The following LRRC37A2 variants were observed in gnomAD, a reference collection of about 807,000 sequenced individuals.
The protein encoded by LRRC37A2 is leucine rich repeat containing 37 member A2.
LRRC37A2 carries 9 observed loss-of-function variants against 68.8 expected under a neutral mutation model. The observed-to-expected ratio is 0.13, with a 90% CI of 0.08 to 0.23. The LOEUF is 0.23. Ranked by LOEUF, LRRC37A2 falls within the 10% of genes least tolerant of loss-of-function variation. The pLI is 1.00. For missense variants in LRRC37A2, 168 were observed against 950.4 expected (o/e 0.18, Z 10.82); for synonymous variants, 63 against 367.6 (o/e 0.17, Z 9.48).
chr17:46,923,821 C>T, the LRRC37A2 span: 2 of 399,974 alleles, frequency 5.0e-6, no homozygotes, highest in Non-Finnish European at 4.4e-6. Flanking sequence ...TGGTAGTGTC[C>T]TTTATTCGCA....
the LRRC37A2 span, chr17:46,949,122 C>T: frequency 1.3e-5 from 2 of 152,206 alleles, no homozygotes; most frequent in Non-Finnish European, 2.9e-5. Flanking sequence ...GGGGACCAGG[C>T]GTGGCTGGGA....
the LRRC37A2 span, among the ~76,000 whole-genome samples, chr17:46,844,362 A>G: frequency 6.7e-6 from 1 of 148,382 alleles, no homozygotes; most frequent in African/African-American, 2.5e-5. Flanking sequence ...TCCCAGAGAT[A>G]AACCAAGGTT....
the LRRC37A2 span, among the ~76,000 whole-genome samples, chr17:46,965,836 G>A: frequency 1.6e-3 from 217 of 136,840 alleles, 1 homozygote; most frequent in Middle Eastern, 7.7e-3. Flanking sequence ...TCATTATGTT[G>A]CCCAGGTTGG....
upstream of LRRC37A2, among the ~76,000 whole-genome samples, chr17:46,511,192 AAAG>A (rs1188107260): frequency 3.1e-5 from 4 of 127,584 alleles, no homozygotes; most frequent in Admixed American, 2.4e-4. Context: ...TTTTTTAAAA[AAAG>A]GAGCAAAAGT....
the LRRC37A2 span, among the ~76,000 whole-genome samples, chr17:46,875,612 A>T: frequency 1.3e-5 from 2 of 152,220 alleles, no homozygotes; most frequent in Non-Finnish European, 2.9e-5. Flanking sequence ...AGCAGTGGTC[A>T]CCAGTGGGAG....
chr17:47,017,991 G>C, the LRRC37A2 span: 1 of 1,502,012 alleles, frequency 6.7e-7, no homozygotes, highest in Non-Finnish European at 9.3e-7. Flanking sequence ...TCTGCCTCCA[G>C]AGTCCTCTAT....
chr17:46,884,114 G>T, the LRRC37A2 span, among the ~76,000 whole-genome samples: 1 of 152,152 alleles, frequency 6.6e-6, no homozygotes, highest in Admixed American at 6.5e-5. Context: ...AGTCCAGGGT[G>T]GCCAGAAGCC....
At chr17:46,965,710 C>T in the LRRC37A2 span, among the ~76,000 whole-genome samples, 1 of 152,176 alleles carries the variant, frequency 6.6e-6, no homozygotes, top group African/African-American at 2.4e-5. Context: ...GCAGCCTCGA[C>T]CTCCTGGGCT....
chr17:46,981,035 C>T, the LRRC37A2 span, among the ~76,000 whole-genome samples: 1 of 151,966 alleles, frequency 6.6e-6, no homozygotes, highest in African/African-American at 2.4e-5. Context: ...GTTTCTCACC[C>T]GTATGTTAAT....
the LRRC37A2 span, chr17:46,968,901 GC>G: frequency 6.6e-6 from 1 of 152,336 alleles, no homozygotes; most frequent in Non-Finnish European, 1.5e-5. Context: ...AACCCCAAAA[GC>G]AGGACTTTTA....
the LRRC37A2 span, among the ~76,000 whole-genome samples, chr17:46,789,690 AGCTGGAGTACTAAACCATG>A: frequency 6.6e-6 from 1 of 152,234 alleles, no homozygotes; most frequent in African/African-American, 2.4e-5. Context: ...GGGCCTTGCC[AGCTGGAGTACTAAACCATG>A]GCTGGGCACT....
chr17:46,838,180 C>A, the LRRC37A2 span, among the ~76,000 whole-genome samples: 13 of 152,116 alleles, frequency 8.5e-5, no homozygotes, highest in African/African-American at 3.1e-4. Context: ...CTCTCTGAGA[C>A]ATCTGGCTGA....
chr17:46,974,925 C>T, the LRRC37A2 span, among the ~76,000 whole-genome samples: 2 of 150,712 alleles, frequency 1.3e-5, no homozygotes, highest in East Asian at 1.9e-4. Context: ...CTACTATTTT[C>T]GTCATGCTTA....
chr17:46,876,150 C>A, the LRRC37A2 span: 7 of 1,218,546 alleles, frequency 5.7e-6, no homozygotes, highest in Non-Finnish European at 7.9e-6. Context: ...TTCCCATTCT[C>A]CTGCCTCTGC....
the LRRC37A2 span, among the ~76,000 whole-genome samples, chr17:46,877,697 C>A: frequency 1.2e-4 from 19 of 152,304 alleles, no homozygotes; most frequent in Middle Eastern, 6.8e-3. Context: ...GTGGCTGGGG[C>A]CTGCCTGGTC....
At chr17:47,040,008 G>A in the LRRC37A2 span, among the ~76,000 whole-genome samples, 2 of 151,576 alleles carry the variant, frequency 1.3e-5, no homozygotes, top group African/African-American at 4.9e-5. Context: ...TTTCTATTTG[G>A]CTCCTTTTTA....
At chr17:46,859,853 T>G in the LRRC37A2 span, among the ~76,000 whole-genome samples, 130 of 152,362 alleles carry the variant, frequency 8.5e-4, 3 homozygotes, top group East Asian at 0.022. Flanking sequence ...TTAGAGCTTT[T>G]GTAATTTCTC....
At chr17:47,012,319 C>T in the LRRC37A2 span, among the ~76,000 whole-genome samples, 5 of 151,838 alleles carry the variant, frequency 3.3e-5, no homozygotes, top group Admixed American at 6.6e-5. Flanking sequence ...CCTTGGAAAC[C>T]ATTATGCAAT....
the LRRC37A2 span, among the ~76,000 whole-genome samples, chr17:46,966,103 ATCT>A: frequency 6.6e-6 from 1 of 152,036 alleles, no homozygotes; most frequent in Non-Finnish European, 1.5e-5. Flanking sequence ...TCTCCTCCTC[ATCT>A]TCTTCATCAT....
Sources: allele counts gnomAD v4.1 joint callset (sites outside exome capture counted in the v4.1 genomes callset), GRCh38; gene constraint gnomAD v4.1.1; transcripts MANE v1.5; gene names NCBI Gene and HGNC (gene_info 2026-07-23, HGNC 2026-07-21).